STARD13: variants seen among roughly 807,000 people sequenced by gnomAD.
STARD13 encodes the protein StAR related lipid transfer domain containing 13, also known as stAR-related lipid transfer protein 13.
In STARD13, 62 loss-of-function variants were observed where a neutral mutation model predicts 106.4. The ratio of observed to expected loss-of-function variants is 0.58; its 90% confidence interval spans 0.48 to 0.72. STARD13 has a LOEUF of 0.72. Ranked by LOEUF, STARD13 falls within the 30% of genes least tolerant of loss-of-function variation. The probability of loss-of-function intolerance (pLI) is 0.00; values close to 1 mark genes in which losing one functional copy is unlikely to be tolerated. For synonymous variants in STARD13, 565 were observed against 553.0 expected (o/e 1.02, Z -0.31); for missense variants, 1,387 against 1,424.0 (o/e 0.97, Z 0.42).
At chr13:33,457,056 G>A in the STARD13 span, among the ~76,000 whole-genome samples, 1 of 152,336 alleles carries the variant, frequency 6.6e-6, no homozygotes, top group East Asian at 1.9e-4. Context: ...GAGTGTTTGT[G>A]ACAAGAAAAC....
At chr13:33,450,798 G>A in the STARD13 span, among the ~76,000 whole-genome samples, 1 of 152,216 alleles carries the variant, frequency 6.6e-6, no homozygotes, top group Non-Finnish European at 1.5e-5. Context: ...GGGAATTCCA[G>A]GGAGAGGAAA....
the STARD13 span, among the ~76,000 whole-genome samples, chr13:33,499,068 G>A: frequency 6.6e-6 from 1 of 152,256 alleles, no homozygotes; most frequent in South Asian, 2.1e-4. Context: ...AACCCAGGAG[G>A]GAGAAGCAGC....
the STARD13 span, among the ~76,000 whole-genome samples, chr13:33,592,359 A>T: frequency 1.3e-5 from 2 of 152,352 alleles, no homozygotes; most frequent in Admixed American, 1.3e-4. Context: ...TAGCCATAAA[A>T]AATAGGCCCA....
chr13:33,244,545 T>C (rs2138262047), intron 1 of STARD13, among the ~76,000 whole-genome samples: 1 of 152,146 alleles, frequency 6.6e-6, no homozygotes, highest in East Asian at 1.9e-4. Context: ...GGTTTGGCCA[T>C]GCCACTTGTT....
intron 1 of STARD13, among the ~76,000 whole-genome samples, chr13:33,242,977 C>G (rs1044611920): frequency 5.9e-5 from 9 of 152,132 alleles, no homozygotes; most frequent in African/African-American, 1.9e-4. Context: ...CAGTCTTTTC[C>G]AAACTGCTGG....
chr13:33,490,512 C>T, the STARD13 span, among the ~76,000 whole-genome samples: 3 of 152,116 alleles, frequency 2.0e-5, no homozygotes, highest in Non-Finnish European at 2.9e-5. Context: ...AGAGTAGGGG[C>T]ATCTGGATGC....
At chr13:33,612,933 G>T in the STARD13 span, among the ~76,000 whole-genome samples, 1 of 152,160 alleles carries the variant, frequency 6.6e-6, no homozygotes, top group African/African-American at 2.4e-5. Context: ...CTAAAGGCTC[G>T]TCTTCCAGTC....
chr13:33,221,732 C>A (rs1057059801), intron 1 of STARD13, among the ~76,000 whole-genome samples: 2 of 152,238 alleles, frequency 1.3e-5, no homozygotes, highest in African/African-American at 4.8e-5. Flanking sequence ...GATATTTGTA[C>A]ATTCACATTC....
intron 1 of STARD13, among the ~76,000 whole-genome samples, chr13:33,314,999 G>A (rs1213974729): frequency 6.6e-6 from 1 of 152,168 alleles, no homozygotes; most frequent in Non-Finnish European, 1.5e-5. Flanking sequence ...GTTAGGAAGA[G>A]TGCACTTTTT....
chr13:33,173,209 A>G (rs2138404460), intron 1 of STARD13, among the ~76,000 whole-genome samples: 1 of 152,342 alleles, frequency 6.6e-6, no homozygotes, highest in Non-Finnish European at 1.5e-5. Flanking sequence ...GATAATTTAT[A>G]TGGCTAAGGT....
intron 3 of STARD13, among the ~76,000 whole-genome samples, chr13:33,162,653 C>T (rs934932624): frequency 1.3e-5 from 2 of 152,200 alleles, no homozygotes; most frequent in African/African-American, 4.8e-5. Flanking sequence ...AGTCTCTTTG[C>T]TAAAACATAA....
chr13:33,241,737 T>C (rs1176815771), intron 1 of STARD13, among the ~76,000 whole-genome samples: 1 of 152,152 alleles, frequency 6.6e-6, no homozygotes, highest in Non-Finnish European at 1.5e-5. Flanking sequence ...AGATGGGGTT[T>C]CGCAGTGTTG....
the STARD13 span, among the ~76,000 whole-genome samples, chr13:33,359,009 A>G: frequency 1.2e-4 from 18 of 152,166 alleles, no homozygotes; most frequent in Non-Finnish European, 2.4e-4. Flanking sequence ...AAAGGCACCA[A>G]TCAGCGCCCT....
chr13:33,589,069 C>T, the STARD13 span, among the ~76,000 whole-genome samples: 1 of 152,202 alleles, frequency 6.6e-6, no homozygotes, highest in Non-Finnish European at 1.5e-5. Flanking sequence ...ATCATTTACA[C>T]ATTAGTATCA....
At chr13:33,553,583 CTT>C in the STARD13 span, among the ~76,000 whole-genome samples, 834 of 140,288 alleles carry the variant, frequency 5.9e-3, 4 homozygotes, top group Non-Finnish European at 8.4e-3. Flanking sequence ...AAACTAAGCA[CTT>C]TTTTTTTTTT....
chr13:33,305,136 C>G (rs1892858214), intron 1 of STARD13, among the ~76,000 whole-genome samples: 1 of 152,230 alleles, frequency 6.6e-6, no homozygotes, highest in African/African-American at 2.4e-5. Flanking sequence ...AAGTGATCTT[C>G]TTGCCCCAGC....
chr13:33,529,325 T>C, the STARD13 span, among the ~76,000 whole-genome samples: 1 of 152,212 alleles, frequency 6.6e-6, no homozygotes, highest in Non-Finnish European at 1.5e-5. Context: ...GATGTCCAGT[T>C]CTACTTAAAA....
At chr13:33,393,883 G>A in the STARD13 span, among the ~76,000 whole-genome samples, 6,292 of 152,168 alleles carry the variant, frequency 0.041, 184 homozygotes, top group Non-Finnish European at 0.066. Context: ...ATTCATTCAG[G>A]CATAACTTCT....
At chr13:33,670,255 C>A in the STARD13 span, among the ~76,000 whole-genome samples, 293 of 152,292 alleles carry the variant, frequency 1.9e-3, 2 homozygotes, top group African/African-American at 6.6e-3. Flanking sequence ...CCAAATATCA[C>A]ATTGAACTTC....
Sources: gnomAD v4.1 joint callset for allele counts (sites outside exome capture counted in the v4.1 genomes callset) on GRCh38, gnomAD v4.1.1 for gene constraint, MANE v1.5 for transcripts, NCBI Gene and HGNC (gene_info 2026-07-23, HGNC 2026-07-21) for gene names.